MALL: variants seen among roughly 807,000 people sequenced by gnomAD.
The protein encoded by MALL is MAL-like protein.
Under a neutral mutation model 10.3 loss-of-function variants are expected in MALL, and 2 were observed. The observed-to-expected ratio is 0.19, with a 90% CI of 0.08 to 0.61. MALL has a LOEUF of 0.61. MALL is among the 20% of genes least tolerant of loss of function. The pLI is 0.88. For synonymous variants in MALL, 27 were observed against 51.8 expected (o/e 0.52, Z 2.05); for missense variants, 39 against 115.2 (o/e 0.34, Z 3.03).
chr2:110,103,741 A>G (rs140110583), intron 1 of MALL, among the ~76,000 whole-genome samples: 2,654 of 152,226 alleles, frequency 0.017, 45 homozygotes, highest in Middle Eastern at 0.034. Flanking sequence ...TGGCCTTCTG[A>G]CAGTGTGCTT....
upstream of MALL, among the ~76,000 whole-genome samples, chr2:110,117,624 TGAGAGAGAGA>T (rs70958730): frequency 1.8e-3 from 220 of 122,788 alleles, 1 homozygote; most frequent in African/African-American, 2.9e-3. Flanking sequence ...TGTGTGTGTG[TGAGAGAGAGA>T]GAGAGAGAGA....
chr2:110,095,790 G>A (rs887228852), intron 1 of MALL, among the ~76,000 whole-genome samples: 40 of 152,172 alleles, frequency 2.6e-4, no homozygotes, highest in African/African-American at 9.6e-4. Flanking sequence ...TGGAGAGGGA[G>A]GTTGAGCCTG....
intron 1 of MALL, among the ~76,000 whole-genome samples, chr2:110,104,005 G>A (rs192345347): frequency 9.9e-5 from 15 of 152,268 alleles, no homozygotes; most frequent in Admixed American, 3.9e-4. Flanking sequence ...AGAGAAGTGG[G>A]GGCTTCCTGC....
upstream of MALL, among the ~76,000 whole-genome samples, chr2:110,117,843 CA>C (rs559066547): frequency 6.1e-4 from 92 of 151,980 alleles, 1 homozygote; most frequent in Non-Finnish European, 1.2e-3. Flanking sequence ...AAACAAAAAA[CA>C]GAGATTTTCT....
chr2:110,098,502 A>G (rs1224505763), intron 1 of MALL, among the ~76,000 whole-genome samples: 1 of 152,104 alleles, frequency 6.6e-6, no homozygotes, highest in Non-Finnish European at 1.5e-5. Context: ...CGCTTAGCAT[A>G]ATGTCCTCAA....
rs553637952 is a variant in MALL, at chr2:110,111,427, C to T, written c.105+4261G>A. On this transcript the variant is annotated intron_variant, in intron 1 of 3. Transcript: ENST00000272462. ...CAGTAGCTTTTCTATACACCAACAG[C>T]GACCAAGCAGAGAATCAAATCAAGA... Among the ~76,000 whole-genome samples the T allele has an allele frequency of 5.3e-5, 8 of 152,156 alleles. No individual in the cohort carries two copies. The East Asian group carries it at 9.6e-4, about 18-fold the overall frequency.
intron 1 of MALL, among the ~76,000 whole-genome samples, chr2:110,103,438 C>T (rs960853455): frequency 6.6e-6 from 1 of 152,112 alleles, no homozygotes; most frequent in African/African-American, 2.4e-5. Context: ...GGTCAGGGTG[C>T]TCGAGCTCCT....
At chr2:110,112,409 A>T (rs1274939104) in intron 1 of MALL, among the ~76,000 whole-genome samples, 1 of 152,172 alleles carries the variant, frequency 6.6e-6, no homozygotes, top group Admixed American at 6.5e-5. Flanking sequence ...CAATCCCATC[A>T]AAAAGTGGGC....
chr2:110,096,179 C>T (rs1274356426), intron 1 of MALL, among the ~76,000 whole-genome samples: 1 of 152,104 alleles, frequency 6.6e-6, no homozygotes, highest in Admixed American at 6.5e-5. Context: ...GGTCTGGGGT[C>T]CTGCCCCAGA....
intron 1 of MALL, among the ~76,000 whole-genome samples, chr2:110,114,535 G>T (rs1480079988): frequency 2.5e-4 from 38 of 151,942 alleles, no homozygotes; most frequent in Admixed American, 2.5e-3. Flanking sequence ...GGATGCCCAC[G>T]CTGTGCTGGG....
At chr2:110,098,786 C>A (rs1260587438) in intron 1 of MALL, among the ~76,000 whole-genome samples, 1 of 152,102 alleles carries the variant, frequency 6.6e-6, no homozygotes, top group African/African-American at 2.4e-5. Context: ...GGGGATCACT[C>A]GAGCCCAAGT....
intron 1 of MALL, among the ~76,000 whole-genome samples, chr2:110,101,584 G>A (rs1330233742): frequency 6.6e-6 from 1 of 152,066 alleles, no homozygotes; most frequent in Non-Finnish European, 1.5e-5. Context: ...GAATGGGGCT[G>A]GCAGTGCGCC....
intron 1 of MALL, among the ~76,000 whole-genome samples, chr2:110,102,408 G>A (rs1298350327): frequency 1.3e-5 from 2 of 152,126 alleles, no homozygotes; most frequent in African/African-American, 4.8e-5. Flanking sequence ...GAAACTCTGA[G>A]CTCCTGGAGG....
Position 110,100,469 on chromosome 2 carries a change from T to TC in MALL, c.106-8700dup, listed in dbSNP as rs201337444. On this transcript the variant is annotated intron_variant, in intron 1 of 3. Transcript: ENST00000272462. ...GCCTGGGTGACAGAGCAAGACTCTG[T>TC]CCCCCACCCTAAAAAAAAAAAACTT... Among the ~76,000 whole-genome samples, 1,297 of 45,088 alleles carry TC rather than the reference T, an allele frequency of 0.029. 30 individuals carry two copies. In the East Asian group the frequency reaches 0.36, roughly 13 times the overall value. The allele number at this position is 45,088 out of a possible 152,430, so 29.6% of individuals were successfully genotyped here.
At chr2:110,117,616 T>TGC (rs1281489198), upstream of MALL, among the ~76,000 whole-genome samples, 6 of 134,510 alleles carry the variant, frequency 4.5e-5, no homozygotes, top group African/African-American at 1.7e-4. Context: ...TGTGTGTGTG[T>TGC]GTGTGTGTGA....
chr2:110,105,164 A>C (rs1183489523), intron 1 of MALL, among the ~76,000 whole-genome samples: 8 of 152,228 alleles, frequency 5.3e-5, no homozygotes, highest in Non-Finnish European at 1.0e-4. Flanking sequence ...GCAATGAAGA[A>C]GCAGAGCCAG....
At chr2:110,099,388 G>GTGGATT (rs1289073348) in intron 1 of MALL, among the ~76,000 whole-genome samples, 1 of 152,152 alleles carries the variant, frequency 6.6e-6, no homozygotes, top group Non-Finnish European at 1.5e-5. Flanking sequence ...TAGCAAGTAG[G>GTGGATT]TGGATTTGCA....
chr2:110,111,819 C>T (rs1418472904), intron 1 of MALL, among the ~76,000 whole-genome samples: 1 of 152,100 alleles, frequency 6.6e-6, no homozygotes, highest in Admixed American at 6.5e-5. Flanking sequence ...ATCACACTAC[C>T]TGATTTCAAA....
At position 110,115,775 on chromosome 2, in the gene MALL, CG is replaced by C; in HGVS notation, c.17del (p.Pro6ArgfsTer30). On this transcript the variant is annotated frameshift_variant, in exon 1 of 4. Transcript: ENST00000272462. LOFTEE classifies it high-confidence loss of function. ...CGGACGGGGCGTAGCTGGTGGCGGG[CG>C]GGTCGGGCGAGGCCATGCTGTCAGC... MASPDPPATSYAPSDV... is the reference protein window; with the variant it reads MASPDXPATSYAPSDV... The C allele has an allele frequency of 7.9e-7, 1 of 1,273,534 alleles. No homozygotes were observed. The highest frequency in any genetic ancestry group is 1.0e-6 in the Non-Finnish European group (1 of 1,003,464). The allele number at this position is 1,273,534 out of a possible 1,614,324, so 78.9% of individuals were successfully genotyped here.
Sources: allele counts gnomAD v4.1 joint callset (sites outside exome capture counted in the v4.1 genomes callset), GRCh38; gene constraint gnomAD v4.1.1; transcripts MANE v1.5; gene names NCBI Gene and HGNC (gene_info 2026-07-23, HGNC 2026-07-21).